The following SLAIN2 variants were observed in gnomAD, a reference collection of about 807,000 sequenced individuals.
SLAIN2 encodes the protein SLAIN family member 2, also known as SLAIN motif-containing protein 2.
In SLAIN2, 31 loss-of-function variants were observed where a neutral mutation model predicts 56.6. That is an observed-to-expected ratio of 0.55 (90% confidence interval 0.41 to 0.74). The LOEUF is 0.74. Ranked by LOEUF, SLAIN2 falls within the 30% of genes least tolerant of loss-of-function variation. The probability of loss-of-function intolerance (pLI) is 0.00; values close to 1 mark genes in which losing one functional copy is unlikely to be tolerated. For synonymous variants in SLAIN2, 317 were observed against 284.9 expected (o/e 1.11, Z -1.13); for missense variants, 777 against 754.2 (o/e 1.03, Z -0.35).
At chr4:48,368,616 C>T (rs2109751825) in intron 1 of SLAIN2, among the ~76,000 whole-genome samples, 1 of 152,220 alleles carries the variant, frequency 6.6e-6, no homozygotes, top group South Asian at 2.1e-4. Context: ...AGTGTAATTG[C>T]TGAGGTAGAG....
chr4:48,355,754 T>C (rs1715140627), intron 1 of SLAIN2, among the ~76,000 whole-genome samples: 1 of 151,944 alleles, frequency 6.6e-6, no homozygotes, highest in African/African-American at 2.4e-5. Context: ...ATATACACAT[T>C]TTATATGTTT....
intron 6 of SLAIN2, among the ~76,000 whole-genome samples, chr4:48,394,088 G>T (rs138340059): frequency 1.9e-3 from 292 of 152,250 alleles, no homozygotes; most frequent in African/African-American, 6.9e-3. Flanking sequence ...ATTGTGACTC[G>T]CCAAGGACCT....
chr4:48,418,128 T>C (rs1717047178), intron 6 of SLAIN2, among the ~76,000 whole-genome samples: 1 of 150,766 alleles, frequency 6.6e-6, no homozygotes, highest in African/African-American at 2.5e-5. Flanking sequence ...CCTCCTTCTT[T>C]CTCCTTCCTC....
In SLAIN2 at chr4:48,400,388, C is replaced by CTTTTTTTTTTTTTTTTTTTTTTTTTT. The variant is rs3081372; in HGVS notation, c.1360+16605_1360+16630dup. Among the ~76,000 whole-genome samples, 2 of 96,444 alleles carry CTTTTTTTTTTTTTTTTTTTTTTTTTT rather than the reference C, an allele frequency of 2.1e-5. 1 individual carries two copies. The highest frequency in any genetic ancestry group is 3.9e-5 in the Non-Finnish European group (2 of 51,148). The allele number at this position is 96,444 out of a possible 152,430, so 63.3% of individuals were successfully genotyped here. A position where few individuals can be genotyped will look rare whatever the true frequency, so the allele number is the denominator to read the frequency against. On this transcript the variant is annotated intron_variant, in intron 6 of 7. Transcript: ENST00000264313. Reference sequence around the variant, plus strand: ...TTCTGATTGTGTCTGTTTGATTCTTCTTTTTTTTTTTTTTTTTTTTTTTTT... The same window carrying CTTTTTTTTTTTTTTTTTTTTTTTTTT: ...TTCTGATTGTGTCTGTTTGATTCTTCTTTTTTTTTTTTTTTTTTTTTTTTTTTTTTTTTTTTTTTTTTTTTTTTTTT...
chr4:48,394,392 C>T (rs1716323826), intron 6 of SLAIN2, among the ~76,000 whole-genome samples: 1 of 152,122 alleles, frequency 6.6e-6, no homozygotes, highest in Non-Finnish European at 1.5e-5. Flanking sequence ...CTTTTCTTTC[C>T]AACTTAATGC....
intron 1 of SLAIN2, among the ~76,000 whole-genome samples, chr4:48,363,752 C>A (rs1343883716): frequency 2.5e-5 from 3 of 119,436 alleles, no homozygotes; most frequent in East Asian, 2.6e-4. Context: ...GGGGCTGACC[C>A]CCCCCACCTC....
At chr4:48,358,577 G>C (rs966964034) in intron 1 of SLAIN2, among the ~76,000 whole-genome samples, 24 of 151,514 alleles carry the variant, frequency 1.6e-4, no homozygotes, top group African/African-American at 5.8e-4. Flanking sequence ...CAGTCTCCCA[G>C]AGTGCTGGGA....
intron 1 of SLAIN2, among the ~76,000 whole-genome samples, chr4:48,353,653 T>A (rs1240895372): frequency 2.6e-5 from 4 of 152,204 alleles, no homozygotes; most frequent in Non-Finnish European, 4.4e-5. Context: ...CACAGGATTT[T>A]GAAAACTAAG....
In SLAIN2 at chr4:48,420,003, A is replaced by G. The variant is rs550975767; in HGVS notation, c.1361-122A>G. On this transcript the variant is annotated intron_variant, in intron 6 of 7. Coordinates refer to ENST00000264313, the MANE Select transcript of SLAIN2 (RefSeq NM_020846.2). ...CCCAGGAATAGCTTTTATTGTTTGC[A>G]TTGCTGTGAAGTTTCCTGAATACAC... 2.9e-5 allele frequency: 28 copies of G among 949,166 alleles called. No homozygotes were observed. In the African/African-American group the frequency reaches 3.8e-4, roughly 13 times the overall value. The allele number at this position is 949,166 out of a possible 1,614,324, so 58.8% of individuals were successfully genotyped here. A position where few individuals can be genotyped will look rare whatever the true frequency, so the allele number is the denominator to read the frequency against.
intron 6 of SLAIN2, among the ~76,000 whole-genome samples, chr4:48,399,131 C>T (rs1716483959): frequency 6.6e-6 from 1 of 152,124 alleles, no homozygotes; most frequent in African/African-American, 2.4e-5. Context: ...TCTTCCTATC[C>T]ATGAGCATGG....
chr4:48,419,607 C>T (rs1717092496), intron 6 of SLAIN2, among the ~76,000 whole-genome samples: 1 of 152,162 alleles, frequency 6.6e-6, no homozygotes, highest in Admixed American at 6.5e-5. Context: ...TTGTGAAGCA[C>T]AGCAATGGAA....
chr4:48,413,359 T>G (rs1716915548), intron 6 of SLAIN2, among the ~76,000 whole-genome samples: 1 of 152,244 alleles, frequency 6.6e-6, no homozygotes, highest in Non-Finnish European at 1.5e-5. Context: ...CTTTCCTATT[T>G]GCTCAGTTGA....
intron 2 of SLAIN2, among the ~76,000 whole-genome samples, chr4:48,371,717 G>A (rs1715667483): frequency 6.6e-6 from 1 of 152,068 alleles, no homozygotes; most frequent in Non-Finnish European, 1.5e-5. Flanking sequence ...CTGATTGGGA[G>A]GATCACTTGA....
chr4:48,371,725 T>G (rs1177336592), intron 2 of SLAIN2, among the ~76,000 whole-genome samples: 3 of 151,980 alleles, frequency 2.0e-5, no homozygotes, highest in African/African-American at 7.3e-5. Context: ...GAGGATCACT[T>G]GAGTCCAGGA....
At chr4:48,402,237 T>A (rs1429251719) in intron 6 of SLAIN2, among the ~76,000 whole-genome samples, 3 of 150,714 alleles carry the variant, frequency 2.0e-5, no homozygotes, top group African/African-American at 7.3e-5. Context: ...CCTTGGAGAA[T>A]CTGATGATTA....
Position 48,358,267 on chromosome 4 carries a change from A to G in SLAIN2, c.390-11582A>G, listed in dbSNP as rs183273137. 3.0e-3 allele frequency among the ~76,000 whole-genome samples: 455 copies of G among 152,272 alleles called. 10 individuals are homozygous for G. The highest frequency in any genetic ancestry group is 0.026 in the Admixed American group (399 of 15,286). On this transcript the variant is annotated intron_variant, in intron 1 of 7. Transcript: ENST00000264313. Reference sequence around the variant, plus strand: ...ACACTGAAGCAGTGCCTGACATGTAATGAGCATTTGATACAGTATAAATTA... The same window carrying G: ...ACACTGAAGCAGTGCCTGACATGTAGTGAGCATTTGATACAGTATAAATTA...
chr4:48,417,843 A>T (rs1163321614), intron 6 of SLAIN2, among the ~76,000 whole-genome samples: 1 of 151,974 alleles, frequency 6.6e-6, no homozygotes, highest in Non-Finnish European at 1.5e-5. Flanking sequence ...TATTGATGGG[A>T]TGTATTTCAA....
At chr4:48,344,630 C>T (rs1251285714) in intron 1 of SLAIN2, among the ~76,000 whole-genome samples, 1 of 151,960 alleles carries the variant, frequency 6.6e-6, no homozygotes, top group Non-Finnish European at 1.5e-5. Flanking sequence ...CTTAATTGAG[C>T]TCCCAAGGAA....
At chr4:48,372,777 A>G (rs145904430) in intron 2 of SLAIN2, among the ~76,000 whole-genome samples, 4 of 152,360 alleles carry the variant, frequency 2.6e-5, no homozygotes, top group African/African-American at 9.6e-5. Flanking sequence ...AGCTACAGCT[A>G]TAAATACAAT....
Sources: allele counts gnomAD v4.1 joint callset (sites outside exome capture counted in the v4.1 genomes callset), GRCh38; gene constraint gnomAD v4.1.1; transcripts MANE v1.5; gene names NCBI Gene and HGNC (gene_info 2026-07-23, HGNC 2026-07-21).